The following RUSF1 variants were observed in gnomAD, a reference collection of about 807,000 sequenced individuals.
RUSF1 encodes RUS family member 1, also known as RUS1 family protein C16orf58.
RUSF1 carries 58 observed loss-of-function variants against 63.0 expected under a neutral mutation model. That is an observed-to-expected ratio of 0.92 (90% CI 0.75 to 1.15). RUSF1 has a LOEUF of 1.15. Among genes scored for constraint, RUSF1 ranks in the 50% most tolerant of loss-of-function variants. RUSF1 has a pLI of 0.00. For missense variants in RUSF1, 652 were observed against 611.0 expected (o/e 1.07, Z -0.71); for synonymous variants, 274 against 255.8 (o/e 1.07, Z -0.68).
intron 2 of RUSF1, among the ~76,000 whole-genome samples, chr16:31,501,974 C>T (rs554121377): frequency 6.6e-6 from 1 of 152,302 alleles, no homozygotes; most frequent in South Asian, 2.1e-4. Flanking sequence ...GTTGCTGCAA[C>T]TAAGATTATA....
intron 8 of RUSF1, 35 bp from the exon 9 acceptor site, chr16:31,493,559 G>A: frequency 6.2e-7 from 1 of 1,614,160 alleles, no homozygotes; most frequent in Non-Finnish European, 8.5e-7. Context: ...CCTAGGCAGT[G>A]GGAGAGGTTG....
Position 31,494,341 on chromosome 16 carries a change from T to C in RUSF1, c.703-405A>G, listed in dbSNP as rs569216192. 1.3e-3 allele frequency among the ~76,000 whole-genome samples: 203 copies of C among 152,148 alleles called. 1 individual carries two copies. The highest frequency in any genetic ancestry group is 1.9e-3 in the Non-Finnish European group (131 of 67,992). On this transcript the variant is annotated intron_variant, in intron 6 of 12. Transcript: ENST00000327237. ...TTCAAGACCAGCTTCGGCAACACGGTGAGACCCATTGCATTTTTGTAAAAA... is the reference window on the plus strand; with the variant it reads ...TTCAAGACCAGCTTCGGCAACACGGCGAGACCCATTGCATTTTTGTAAAAA...
In RUSF1 at chr16:31,490,702, T is replaced by C. The variant is rs1324199504; in HGVS notation, c.*133A>G. On this transcript the variant is annotated 3_prime_UTR_variant, in exon 13 of 13. Transcript: ENST00000327237. ...CCCACTGCATCTGATTGGCAGTCAC[T>C]TCCCATGAGGGCCTGGCCCACCCGC... 7 of 1,170,208 alleles carry C rather than the reference T, an allele frequency of 6.0e-6. No homozygotes were observed. In the Admixed American group the frequency reaches 1.3e-4, roughly 22 times the overall value. The allele number at this position is 1,170,208 out of a possible 1,614,324, so 72.5% of individuals were successfully genotyped here.
chr16:31,500,676 A>G lies in RUSF1; in HGVS notation c.461+10T>C. The stretch of plus-strand genomic sequence containing the variant: ...GTTGCCAGAGTTGCTGGCCGGGAAG[A>G]CAAACTCACCCTTTCCACCAGGCAA... On this transcript the variant is annotated intron_variant, in intron 3 of 12. Coordinates refer to ENST00000327237, the MANE Select transcript of RUSF1 (RefSeq NM_022744.4). The G allele has an allele frequency of 3.1e-6, 5 of 1,612,404 alleles. No individual in the cohort carries two copies. The highest frequency in any genetic ancestry group is 4.2e-6 in the Non-Finnish European group (5 of 1,179,010).
At chr16:31,493,981 G>A in intron 6 of RUSF1, 45 bp from the exon 7 acceptor site, 2 of 1,594,428 alleles carry the variant, frequency 1.3e-6, no homozygotes, top group Non-Finnish European at 1.7e-6. Flanking sequence ...TGCCCCTCCA[G>A]GCCAGACTGA....
chr16:31,507,672 T>C (rs540029083), intron 2 of RUSF1, 92 bp downstream of exon 2: 5 of 1,188,310 alleles, frequency 4.2e-6, no homozygotes, highest in East Asian at 2.6e-5. Flanking sequence ...TTCTACCTAA[T>C]GGGGCACGAG....
At position 31,490,134 on chromosome 16, in the gene RUSF1, A is replaced by G; in HGVS notation, c.*701T>C. 6.2e-7 allele frequency: 1 copy of G among 1,614,134 alleles called. No individual in the cohort carries two copies. The highest frequency in any genetic ancestry group is 8.5e-7 in the Non-Finnish European group (1 of 1,180,042). ...CCGCCTGGTCTTCAGTCTCCGGCATAGCAAGGAGGAACGGGAGGACCTGGA... is the reference window on the plus strand; with the variant it reads ...CCGCCTGGTCTTCAGTCTCCGGCATGGCAAGGAGGAACGGGAGGACCTGGA... On this transcript the variant is annotated 3_prime_UTR_variant, in exon 13 of 13. Transcript: ENST00000327237.
Position 31,493,499 on chromosome 16 carries a change from G to A in RUSF1, c.984C>T (p.Ser328=), listed in dbSNP as rs1208924664. 1.2e-6 allele frequency: 2 copies of A among 1,612,496 alleles called. No homozygotes were observed. The highest frequency in any genetic ancestry group is 1.1e-5 in the South Asian group (1 of 90,748). ...CCAAGCGGTGTAAGGGGACCCCCAG[G>A]GATAGAGACGGAGCTGGCCAGAAAC... ...WTGFWPAPSL[S]LGVPLHRLVS... Residue 328 remains serine, a synonymous_variant, in exon 9 of 13, where the codon TCC becomes TCT. Transcript: ENST00000327237.
chr16:31,495,446 C>G (rs2082597182), intron 6 of RUSF1, among the ~76,000 whole-genome samples: 1 of 152,174 alleles, frequency 6.6e-6, no homozygotes, highest in South Asian at 2.1e-4. Flanking sequence ...CAAAGCTGCA[C>G]TGGCAGAAAG....
At chr16:31,500,640 T>C (rs770467152) in intron 3 of RUSF1, 46 bp downstream of exon 3, 2 of 1,589,628 alleles carry the variant, frequency 1.3e-6, no homozygotes, top group Non-Finnish European at 1.7e-6. Flanking sequence ...TTACTACCAC[T>C]ACTGGGAAGA....
intron 5 of RUSF1, among the ~76,000 whole-genome samples, chr16:31,498,380 G>A (rs1412840891): frequency 6.6e-6 from 1 of 152,156 alleles, no homozygotes; most frequent in Non-Finnish European, 1.5e-5. Context: ...GGTGCTCGTA[G>A]CATTTAGGCT....
intron 5 of RUSF1, among the ~76,000 whole-genome samples, chr16:31,498,248 T>C (rs1459636851): frequency 6.6e-6 from 1 of 152,138 alleles, no homozygotes; most frequent in Admixed American, 6.6e-5. Flanking sequence ...TTCCATTCCC[T>C]TGTTGGACAG....
rs1211037776 is a variant in RUSF1 at position 31,507,885 on chromosome 16, A to C, written c.301-7T>G. 6.4e-7 allele frequency: 1 copy of C among 1,554,006 alleles called. No individual in the cohort carries two copies. Among genetic ancestry groups the C allele is most frequent in the African/African-American group, 1.4e-5 (1 of 73,178 alleles). On this transcript the variant is annotated splice_polypyrimidine_tract_variant and splice_region_variant and intron_variant, in intron 1 of 12. Transcript: ENST00000327237. ...AGAGGCTGGAAGCAAACGCCTGGAG[A>C]AGAAAACAAGTAGGGTGAGAAGCGG...
chr16:31,494,042 C>T, intron 6 of RUSF1, 106 bp from the exon 7 acceptor site: 6 of 1,213,278 alleles, frequency 4.9e-6, no homozygotes, highest in Non-Finnish European at 5.9e-6. Flanking sequence ...CCTCCCAGGG[C>T]TCCTTACTGC....
chr16:31,497,017 A>G, intron 5 of RUSF1, 67 bp from the exon 6 acceptor site: 1 of 1,340,576 alleles, frequency 7.5e-7, no homozygotes, highest in Non-Finnish European at 1.0e-6. Context: ...CACTCAGACC[A>G]GCTGGAGAAA....
In RUSF1 at chr16:31,496,844, C is replaced by T. The variant is rs776724383; in HGVS notation, c.702+5G>A. 6.3e-7 allele frequency: 1 copy of T among 1,577,480 alleles called. No individual in the cohort carries two copies. Among genetic ancestry groups the T allele is most frequent in the Non-Finnish European group, 8.6e-7 (1 of 1,161,504 alleles). On this transcript the variant is annotated splice_donor_5th_base_variant and intron_variant, in intron 6 of 12. Coordinates refer to ENST00000327237, the MANE Select transcript of RUSF1 (RefSeq NM_022744.4). ...CCACGCCCTCCCTCCAGCTCTGGCA[C>T]TCACCTGGCTGCTGTCCTTGGCTGA... is the stretch of plus-strand genomic sequence containing the variant.
chr16:31,492,000 G>A lies in RUSF1; in HGVS notation c.1309+9C>T, dbSNP rs370468101. ...AGGGGCCAAGCAGCCATGGGCTGAG[G>A]GATGTTACCTTTCAAGAACTTTGGG... is the stretch of plus-strand genomic sequence containing the variant. On this transcript the variant is annotated intron_variant, in intron 12 of 12. Transcript: ENST00000327237. 6.2e-7 allele frequency: 1 copy of A among 1,613,992 alleles called. No individual in the cohort carries two copies. The highest frequency in any genetic ancestry group is 1.1e-5 in the South Asian group (1 of 91,058).
In RUSF1 at chr16:31,508,252, C is replaced by A; in HGVS notation, c.122G>T (p.Trp41Leu). The change falls in exon 1 of 13, where the codon TGG becomes TTG. Residue 41 changes from tryptophan to leucine, a missense_variant. Transcript: ENST00000327237. ...CGTGAAGGCCCTGGAGAGCCCCCAC[C>A]AGCGCCAGCCCCCGACCTCCCACTG... ...SLQWEVGGWR[W>L]WGLSRAFTVK... 1 of 1,564,324 alleles carries A rather than the reference C, an allele frequency of 6.4e-7. No individual in the cohort carries two copies. Among genetic ancestry groups the A allele is most frequent in the South Asian group, 1.2e-5 (1 of 85,420 alleles).
At chr16:31,492,134 C>T (rs1857701356) in intron 11 of RUSF1, 48 bp from the exon 12 acceptor site, 1 of 1,613,488 alleles carries the variant, frequency 6.2e-7, no homozygotes, top group African/African-American at 1.3e-5. Context: ...TCCAGCAGGA[C>T]AGAGTTTGTC....
Sources: gnomAD v4.1 joint callset for allele counts (sites outside exome capture counted in the v4.1 genomes callset) on GRCh38, gnomAD v4.1.1 for gene constraint, MANE v1.5 for transcripts, NCBI Gene and HGNC (gene_info 2026-07-23, HGNC 2026-07-21) for gene names.